SLC24A2: variants seen among roughly 807,000 people sequenced by gnomAD.
The protein encoded by SLC24A2 is sodium/potassium/calcium exchanger 2.
Under a neutral mutation model 62.0 loss-of-function variants are expected in SLC24A2, and 36 were observed. The observed-to-expected ratio is 0.58, with a 90% confidence interval of 0.44 to 0.77. SLC24A2 has a LOEUF of 0.77. Ranked by LOEUF, SLC24A2 falls within the 30% of genes least tolerant of loss-of-function variation. The pLI is 0.00. For missense variants in SLC24A2, 846 were observed against 817.9 expected (o/e 1.03, Z -0.42); for synonymous variants, 358 against 294.0 (o/e 1.22, Z -2.23).
the SLC24A2 span, among the ~76,000 whole-genome samples, chr9:19,849,381 AATT>A: frequency 2.0e-5 from 3 of 152,314 alleles, no homozygotes; most frequent in Admixed American, 2.0e-4. Flanking sequence ...TAATTGTTAA[AATT>A]ATTATTTTTC....
At chr9:20,127,395 T>C in the SLC24A2 span, among the ~76,000 whole-genome samples, 4 of 152,206 alleles carry the variant, frequency 2.6e-5, no homozygotes, top group Non-Finnish European at 5.9e-5. Flanking sequence ...TTACATGTTT[T>C]AGTTATTTTA....
At chr9:19,697,253 GT>G (rs1242382118) in intron 2 of SLC24A2, among the ~76,000 whole-genome samples, 1 of 152,084 alleles carries the variant, frequency 6.6e-6, no homozygotes, top group African/African-American at 2.4e-5. Flanking sequence ...TGGACACATG[GT>G]GGGGAACAAC....
chr9:19,953,712 T>A, the SLC24A2 span, among the ~76,000 whole-genome samples: 505 of 152,178 alleles, frequency 3.3e-3, 1 homozygote, highest in Non-Finnish European at 5.6e-3. Context: ...CTTAAATAAC[T>A]ACAATTACTT....
At chr9:20,126,324 C>G in the SLC24A2 span, among the ~76,000 whole-genome samples, 1 of 151,902 alleles carries the variant, frequency 6.6e-6, no homozygotes, top group African/African-American at 2.4e-5. Context: ...CTGATCATGC[C>G]TTTTACTCAT....
the SLC24A2 span, among the ~76,000 whole-genome samples, chr9:20,111,115 G>A: frequency 2.6e-5 from 4 of 152,152 alleles, no homozygotes. Context: ...CTTGCTAGTA[G>A]CCCTGGGAAG....
chr9:19,727,451 C>T (rs895304696), intron 2 of SLC24A2, among the ~76,000 whole-genome samples: 2 of 152,160 alleles, frequency 1.3e-5, no homozygotes, highest in African/African-American at 4.8e-5. Flanking sequence ...CTCTCCTACA[C>T]ACTACATCAT....
chr9:20,227,377 A>T, the SLC24A2 span, among the ~76,000 whole-genome samples: 5 of 152,126 alleles, frequency 3.3e-5, no homozygotes, highest in Non-Finnish European at 5.9e-5. Context: ...ACTTACTTGC[A>T]TCATCTTTGT....
At chr9:20,288,280 G>C in the SLC24A2 span, among the ~76,000 whole-genome samples, 14 of 152,054 alleles carry the variant, frequency 9.2e-5, no homozygotes, top group African/African-American at 3.1e-4. Flanking sequence ...GTAATGCAAG[G>C]GTTCATATGG....
chr9:19,570,085 A>C (rs1293208518), intron 7 of SLC24A2, among the ~76,000 whole-genome samples: 1 of 152,236 alleles, frequency 6.6e-6, no homozygotes, highest in Non-Finnish European at 1.5e-5. Context: ...GCTAGAACAC[A>C]TGGGCATCTC....
the SLC24A2 span, among the ~76,000 whole-genome samples, chr9:20,161,949 AAAT>A: frequency 1.3e-5 from 2 of 151,748 alleles, no homozygotes; most frequent in Non-Finnish European, 1.5e-5. Context: ...ACATACAACA[AAAT>A]AATTAGATGC....
At chr9:19,788,381 G>C (rs1437128512) in intron 1 of SLC24A2, among the ~76,000 whole-genome samples, 1 of 152,158 alleles carries the variant, frequency 6.6e-6, no homozygotes, top group Non-Finnish European at 1.5e-5. Flanking sequence ...CCCGATCCTC[G>C]CTCCCCCTGA....
the SLC24A2 span, among the ~76,000 whole-genome samples, chr9:19,918,393 C>CA: frequency 0.52 from 71,673 of 137,484 alleles, 18,857 homozygotes; most frequent in Non-Finnish European, 0.56. Flanking sequence ...CTGCCTTTAT[C>CA]AAAAAAAAAA....
the SLC24A2 span, among the ~76,000 whole-genome samples, chr9:20,284,363 G>A: frequency 6.6e-6 from 1 of 151,690 alleles, no homozygotes; most frequent in Non-Finnish European, 1.5e-5. Context: ...CAGCAGGCTC[G>A]AACTCCTAGG....
chr9:19,749,085 T>G (rs1041986325), intron 2 of SLC24A2, among the ~76,000 whole-genome samples: 1 of 147,866 alleles, frequency 6.8e-6, no homozygotes, highest in Non-Finnish European at 1.5e-5. Flanking sequence ...CAAAATTGCT[T>G]TGGGCATTCT....
the SLC24A2 span, among the ~76,000 whole-genome samples, chr9:19,911,498 G>A: frequency 6.6e-6 from 1 of 151,918 alleles, no homozygotes; most frequent in East Asian, 1.9e-4. Context: ...GCCACACTGT[G>A]GAAGTCAGTG....
intron 5 of SLC24A2, among the ~76,000 whole-genome samples, chr9:19,582,826 G>A (rs1297926640): frequency 6.6e-6 from 1 of 152,014 alleles, no homozygotes; most frequent in East Asian, 1.9e-4. Context: ...CACCCCACAT[G>A]CCATCTACCA....
rs1030264137 is a variant in SLC24A2 at position 19,569,551 on chromosome 9, G to A, written c.1347+3800C>T. On this transcript the variant is annotated intron_variant, in intron 7 of 10. Transcript: ENST00000341998. ...CCCTCCACGTCTATCACACCAGTAC[G>A]TGTCATCATCAGCTCTTTCCCTCAA... 3.3e-5 allele frequency among the ~76,000 whole-genome samples: 5 copies of A among 152,052 alleles called. No homozygotes were observed. The South Asian group carries it at 6.2e-4, about 19-fold the overall frequency.
At chr9:19,667,199 C>T (rs973064621) in intron 2 of SLC24A2, among the ~76,000 whole-genome samples, 1 of 152,164 alleles carries the variant, frequency 6.6e-6, no homozygotes. Flanking sequence ...AAAATCATGA[C>T]AGAGAGCTTG....
chr9:20,288,038 A>G, the SLC24A2 span, among the ~76,000 whole-genome samples: 1 of 126,988 alleles, frequency 7.9e-6, no homozygotes, highest in Admixed American at 7.1e-5. Flanking sequence ...GAGTTAGGAA[A>G]AAAACACACA....
Sources: gnomAD v4.1 joint callset for allele counts (sites outside exome capture counted in the v4.1 genomes callset) on GRCh38, gnomAD v4.1.1 for gene constraint, MANE v1.5 for transcripts, NCBI Gene and HGNC (gene_info 2026-07-23, HGNC 2026-07-21) for gene names.